The following BRDT variants were observed in gnomAD, a reference collection of about 807,000 sequenced individuals.
BRDT encodes the protein bromodomain testis associated, also known as bromodomain testis-specific protein.
In BRDT, 77 loss-of-function variants were observed where a neutral mutation model predicts 113.9. The ratio of observed to expected loss-of-function variants is 0.68; its 90% CI spans 0.56 to 0.82. The LOEUF is 0.82. BRDT is among the 40% of genes least tolerant of loss of function. The pLI, the probability that BRDT is intolerant of heterozygous loss-of-function variation, is 0.00. For synonymous variants in BRDT, 358 were observed against 366.5 expected (o/e 0.98, Z 0.26); for missense variants, 1,027 against 1,105.4 (o/e 0.93, Z 1.01).
At chr1:91,979,361 G>A (rs1432192439) in intron 7 of BRDT, among the ~76,000 whole-genome samples, 1 of 151,890 alleles carries the variant, frequency 6.6e-6, no homozygotes, top group African/African-American at 2.4e-5. Context: ...TGATCCACCC[G>A]CCTCGGCCTC....
chr1:91,969,799 TTTTTTG>T (rs1156416872), intron 4 of BRDT, among the ~76,000 whole-genome samples: 113 of 150,998 alleles, frequency 7.5e-4, no homozygotes, highest in African/African-American at 2.7e-3. Flanking sequence ...GTGTTTAAGT[TTTTTTG>T]TTTTTGTGTG....
At chr1:91,954,633 CA>C (rs1681527282) in intron 1 of BRDT, among the ~76,000 whole-genome samples, 1 of 152,046 alleles carries the variant, frequency 6.6e-6, no homozygotes, top group Non-Finnish European at 1.5e-5. Flanking sequence ...GCGGAAATAA[CA>C]AAATGACAAC....
intron 3 of BRDT, 111 bp downstream of exon 3, chr1:91,964,875 T>C (rs575344581): frequency 2.7e-6 from 2 of 753,200 alleles, no homozygotes; most frequent in Non-Finnish European, 1.9e-6. Context: ...TTGAGATACT[T>C]GACGTGTGTG....
intron 1 of BRDT, among the ~76,000 whole-genome samples, chr1:91,956,146 G>T (rs991468117): frequency 6.6e-6 from 1 of 152,082 alleles, no homozygotes; most frequent in Non-Finnish European, 1.5e-5. Context: ...CATCTATCAA[G>T]ATGAACAATC....
intron 14 of BRDT, 54 bp from the exon 15 acceptor site, chr1:91,994,029 G>T: frequency 1.4e-6 from 2 of 1,401,258 alleles, no homozygotes; most frequent in Non-Finnish European, 1.9e-6. Context: ...GTTCTCTTTG[G>T]TATACTTCTT....
intron 4 of BRDT, among the ~76,000 whole-genome samples, chr1:91,971,750 G>T (rs1447165820): frequency 6.6e-6 from 1 of 152,168 alleles, no homozygotes; most frequent in East Asian, 1.9e-4. Context: ...AGATTTGAAA[G>T]AACATTCCAG....
At position 91,981,195 on chromosome 1, in the gene BRDT, A is replaced by G; in HGVS notation, c.1750+17A>G. ...AACCTCCTGGTATGTATTTCTGCAT[A>G]TTAATAGAAATCGGTTTGGTATTTA... On this transcript the variant is annotated intron_variant, in intron 10 of 18. Transcript: ENST00000399546. 1 of 1,607,372 alleles carries G rather than the reference A, an allele frequency of 6.2e-7. No homozygotes were observed. The highest frequency in any genetic ancestry group is 2.2e-5 in the East Asian group (1 of 44,836).
At chr1:91,979,301 C>T (rs1168363024) in intron 7 of BRDT, among the ~76,000 whole-genome samples, 5 of 151,744 alleles carry the variant, frequency 3.3e-5, no homozygotes, top group Admixed American at 1.3e-4. Flanking sequence ...TTAGCAGAGA[C>T]GGGGTTTCTC....
chr1:91,971,864 T>G (rs1683660091), intron 4 of BRDT, among the ~76,000 whole-genome samples: 1 of 152,164 alleles, frequency 6.6e-6, no homozygotes, highest in Non-Finnish European at 1.5e-5. Flanking sequence ...TCTCAACCAT[T>G]TTATTCCTTT....
chr1:91,997,756 T>G (rs963274983), intron 15 of BRDT, among the ~76,000 whole-genome samples: 127 of 152,374 alleles, frequency 8.3e-4, no homozygotes, highest in African/African-American at 3.0e-3. Context: ...GCTGTTCTTT[T>G]GCAGTTAGCA....
At chr1:92,004,370 G>T (rs1430362879) in intron 16 of BRDT, 44 bp from the exon 17 acceptor site, 8 of 1,405,204 alleles carry the variant, frequency 5.7e-6, no homozygotes, top group African/African-American at 2.9e-5. Flanking sequence ...TCCAAAATTT[G>T]GTTAACATCT....
chr1:91,977,132 AG>A lies in BRDT; in HGVS notation c.709del (p.Glu237LysfsTer9). The A allele has an allele frequency of 6.2e-7, 1 of 1,613,932 alleles. No homozygotes were observed. The highest frequency in any genetic ancestry group is 8.5e-7 in the Non-Finnish European group (1 of 1,179,970). ...GTAGTGAATTTTCTCCAACATTCAC[AG>A]AAAAATCAGTGGCACTGCCACCTAT... Reference protein sequence around the residue: ...ASSEFSPTFTEKSVALPPIKE... With the variant: ...ASSEFSPTFTXKSVALPPIKE... On this transcript the variant is annotated frameshift_variant, in exon 6 of 19. Coordinates refer to ENST00000399546, the MANE Select transcript of BRDT (RefSeq NM_207189.4). LOFTEE classifies it high-confidence loss of function.
intron 18 of BRDT, among the ~76,000 whole-genome samples, chr1:92,009,480 C>T (rs1049069327): frequency 4.0e-5 from 6 of 151,458 alleles, no homozygotes. Context: ...TTGGTTGCCT[C>T]CAACGTATGG....
chr1:91,971,058 A>G (rs879651964), intron 4 of BRDT, among the ~76,000 whole-genome samples: 5 of 152,102 alleles, frequency 3.3e-5, no homozygotes, highest in Non-Finnish European at 5.9e-5. Flanking sequence ...GGAAGCTTTC[A>G]ATCATGGTCA....
chr1:91,971,405 G>A (rs546171689), intron 4 of BRDT, among the ~76,000 whole-genome samples: 14 of 152,314 alleles, frequency 9.2e-5, no homozygotes, highest in African/African-American at 3.4e-4. Context: ...CAGAGGGAAT[G>A]TCTAAGTTTA....
At chr1:91,963,601 G>A (rs944808964) in intron 2 of BRDT, among the ~76,000 whole-genome samples, 4 of 152,056 alleles carry the variant, frequency 2.6e-5, no homozygotes, top group Admixed American at 6.6e-5. Flanking sequence ...TAGGTCTTAC[G>A]TTAGGAATTT....
chr1:91,985,433 G>A (rs1015902874), intron 12 of BRDT, among the ~76,000 whole-genome samples: 5 of 151,962 alleles, frequency 3.3e-5, no homozygotes, highest in African/African-American at 1.2e-4. Flanking sequence ...GATCTCAGGT[G>A]ATCTGCACAC....
chr1:91,969,809 TTGTG>T (rs759081138), intron 4 of BRDT, among the ~76,000 whole-genome samples: 2 of 146,782 alleles, frequency 1.4e-5, no homozygotes, highest in Non-Finnish European at 3.0e-5. Flanking sequence ...TTTTTTGTTT[TTGTG>T]TGTGTGTGTG....
In BRDT at chr1:92,009,545, C is replaced by CTTTTTTTTT. The variant is rs59044630; in HGVS notation, c.2775+4257_2775+4265dup. ...TGTTTGCAGGTTTTTCAACTTGCCA[C>CTTTTTTTTT]TTTTTTTTTTTTTTTTTTTCTCTTG... On this transcript the variant is annotated intron_variant, in intron 18 of 18. Coordinates refer to ENST00000399546, the MANE Select transcript of BRDT (RefSeq NM_207189.4). Among the ~76,000 whole-genome samples, 14 of 103,400 alleles carry CTTTTTTTTT rather than the reference C, an allele frequency of 1.4e-4. 1 individual carries two copies. The highest frequency in any genetic ancestry group is 1.6e-4 in the Non-Finnish European group (9 of 55,360). The allele number at this position is 103,400 out of a possible 152,430, so 67.8% of individuals were successfully genotyped here. A position where few individuals can be genotyped will look rare whatever the true frequency, so the allele number is the denominator to read the frequency against.
Sources: allele counts gnomAD v4.1 joint callset (sites outside exome capture counted in the v4.1 genomes callset), GRCh38; gene constraint gnomAD v4.1.1; transcripts MANE v1.5; gene names NCBI Gene and HGNC (gene_info 2026-07-23, HGNC 2026-07-21).